The following TECPR2 variants were observed in gnomAD, a reference collection of about 807,000 sequenced individuals.
TECPR2 encodes tectonin beta-propeller repeat containing 2, also known as tectonin beta-propeller repeat-containing protein 2.
TECPR2 carries 65 observed loss-of-function variants against 138.1 expected under a neutral mutation model. The ratio of observed to expected loss-of-function variants is 0.47; its 90% confidence interval spans 0.39 to 0.58. TECPR2 has a LOEUF of 0.58. TECPR2 is among the 20% of genes least tolerant of loss of function. The pLI is 0.00. For missense variants in TECPR2, 1,553 were observed against 1,824.5 expected (o/e 0.85, Z 2.71); for synonymous variants, 746 against 749.8 (o/e 0.99, Z 0.08).
At chr14:102,416,969 G>A (rs1054971688) in intron 5 of TECPR2, among the ~76,000 whole-genome samples, 6 of 152,136 alleles carry the variant, frequency 3.9e-5, no homozygotes, top group African/African-American at 1.4e-4. Context: ...GGGTGACAGA[G>A]CGAGACTTCA....
intron 1 of TECPR2, among the ~76,000 whole-genome samples, chr14:102,369,862 G>A (rs909714997): frequency 3.9e-5 from 6 of 151,910 alleles, no homozygotes; most frequent in Non-Finnish European, 5.9e-5. Context: ...GGAGGCTGAG[G>A]CAGAATGGCA....
rs371389787 is a variant in TECPR2 at position 102,465,192 on chromosome 14, G to C, written c.3692G>C (p.Cys1231Ser). ...TGTGGAAATCAGCACATCTGGGCCT[G>C]TGATTCCAGGGGTGGAGTTTACTTC... The part of the protein sequence containing the change: ...LACGNQHIWA[C>S]DSRGGVYFRV... Residue 1231 changes from cysteine (C) to serine (S), a missense_variant, in exon 17 of 20, where the codon TGT (cysteine) becomes TCT (serine). Cys to Ser is a moderately radical substitution (Grantham distance 112, BLOSUM62 -1). Coordinates refer to ENST00000359520, the MANE Select transcript of TECPR2 (RefSeq NM_014844.5). The C allele has an allele frequency of 7.4e-6, 12 of 1,614,136 alleles. 1 individual carries two copies. In the African/African-American group the frequency reaches 9.3e-5, roughly 13 times the overall value.
chr14:102,410,331 C>T (rs1384333041), intron 4 of TECPR2, among the ~76,000 whole-genome samples: 1 of 140,180 alleles, frequency 7.1e-6, no homozygotes, highest in Non-Finnish European at 1.6e-5. Context: ...TGCGGAAGGC[C>T]GCAGGGTCCT....
chr14:102,496,921 T>C, intron 17 of TECPR2, 58 bp from the exon 18 acceptor site: 4 of 1,594,476 alleles, frequency 2.5e-6, no homozygotes, highest in Non-Finnish European at 3.4e-6. Flanking sequence ...GGAAGTCTCC[T>C]GTCCTTTCTC....
At chr14:102,496,758 C>A in intron 17 of TECPR2, 1 of 630,276 alleles carries the variant, frequency 1.6e-6, no homozygotes, top group Non-Finnish European at 2.7e-6. Context: ...CTGGTATCTG[C>A]TGGGCTGTCC....
At chr14:102,489,430 A>G (rs1479572813) in intron 17 of TECPR2, among the ~76,000 whole-genome samples, 2 of 151,628 alleles carry the variant, frequency 1.3e-5, no homozygotes, top group Non-Finnish European at 2.9e-5. Flanking sequence ...CAGCCTGGCC[A>G]AAATGGTGAA....
intron 8 of TECPR2, 33 bp downstream of exon 8, chr14:102,432,161 G>T (rs1383457631): frequency 1.4e-6 from 2 of 1,467,572 alleles, no homozygotes; most frequent in Non-Finnish European, 1.8e-6. Flanking sequence ...ACCCATCTGG[G>T]GTTACAGTCT....
intron 1 of TECPR2, among the ~76,000 whole-genome samples, chr14:102,370,349 G>A (rs745509247): frequency 1.6e-4 from 25 of 152,216 alleles, no homozygotes; most frequent in East Asian, 7.7e-4. Flanking sequence ...GGGATTACAC[G>A]CGTGAACCAC....
At chr14:102,428,713 G>A (rs1396450125) in intron 7 of TECPR2, among the ~76,000 whole-genome samples, 1 of 152,188 alleles carries the variant, frequency 6.6e-6, no homozygotes, top group Middle Eastern at 3.2e-3. Context: ...TGTAAGCTAA[G>A]ATTGCACCAC....
chr14:102,473,258 TCA>T (rs1262928285), intron 17 of TECPR2, among the ~76,000 whole-genome samples: 12 of 152,238 alleles, frequency 7.9e-5, no homozygotes, highest in African/African-American at 2.9e-4. Flanking sequence ...CTTAGTGGCC[TCA>T]CACGTCGTAT....
chr14:102,427,672 T>C (rs763925401), intron 6 of TECPR2, among the ~76,000 whole-genome samples: 11 of 152,098 alleles, frequency 7.2e-5, no homozygotes, highest in Admixed American at 1.3e-4. Flanking sequence ...TCAAAACCCA[T>C]GAGTTGCAGT....
intron 2 of TECPR2, among the ~76,000 whole-genome samples, chr14:102,393,567 A>G (rs1888235955): frequency 6.6e-6 from 1 of 151,920 alleles, no homozygotes; most frequent in South Asian, 2.1e-4. Context: ...TTATTTATTT[A>G]TTTATTTTTG....
intron 17 of TECPR2, among the ~76,000 whole-genome samples, chr14:102,491,864 GT>G (rs1891167627): frequency 1.3e-5 from 2 of 152,338 alleles, no homozygotes; most frequent in African/African-American, 2.4e-5. Flanking sequence ...AGAAACAAGT[GT>G]TTTGTTTGCA....
intron 16 of TECPR2, among the ~76,000 whole-genome samples, chr14:102,453,170 C>T (rs971315383): frequency 6.6e-6 from 1 of 152,076 alleles, no homozygotes; most frequent in Non-Finnish European, 1.5e-5. Context: ...GTGGAGTAGG[C>T]TAAGAAATGT....
chr14:102,419,698 G>A lies in TECPR2; in HGVS notation c.638+4905G>A, dbSNP rs952136254. Among the ~76,000 whole-genome samples the A allele has an allele frequency of 6.6e-6, 1 of 152,294 alleles. No individual in the cohort carries two copies. The highest frequency in any genetic ancestry group is 2.1e-4 in the South Asian group (1 of 4,826). ...CGTGAACCTCTTCAGACCGGATGATGTGTGTTACATCCAGAAAACCTCAGA... is the reference window on the plus strand; with the variant it reads ...CGTGAACCTCTTCAGACCGGATGATATGTGTTACATCCAGAAAACCTCAGA... On this transcript the variant is annotated intron_variant, in intron 5 of 19. Coordinates refer to ENST00000359520, the MANE Select transcript of TECPR2 (RefSeq NM_014844.5). The surrounding 1 kb of genome is among the most constrained non-coding windows in gnomAD (Gnocchi z 4.8).
intron 16 of TECPR2, among the ~76,000 whole-genome samples, chr14:102,454,326 G>A (rs1176087783): frequency 1.3e-5 from 2 of 152,166 alleles, no homozygotes; most frequent in South Asian, 2.1e-4. Flanking sequence ...CAGCCCCGGG[G>A]GCTCCTACAG....
At chr14:102,436,647 G>T (rs1414603153) in intron 9 of TECPR2, among the ~76,000 whole-genome samples, 1 of 152,136 alleles carries the variant, frequency 6.6e-6, no homozygotes, top group Non-Finnish European at 1.5e-5. Flanking sequence ...CAGTCATCCG[G>T]CATTTATCTT....
At chr14:102,421,670 G>A (rs1331973780) in intron 5 of TECPR2, among the ~76,000 whole-genome samples, 1 of 152,174 alleles carries the variant, frequency 6.6e-6, no homozygotes, top group Non-Finnish European at 1.5e-5. Context: ...CTGTAGCCTC[G>A]TTCAGGACAA....
rs1888809890 is a variant in TECPR2 at position 102,410,491 on chromosome 14, AAAAATAAAAAAAT to A, written c.480+1877_480+1889del. Reference sequence around the variant, plus strand: ...AAATTAAAAAAAAAAATAAAAAATAAAAAATAAAAAAATAAAAACACACCTCACCAAGCTCAGC... The same window carrying A: ...AAATTAAAAAAAAAAATAAAAAATAAAAAAACACACCTCACCAAGCTCAGC... On this transcript the variant is annotated intron_variant, in intron 4 of 19. Coordinates refer to ENST00000359520, the MANE Select transcript of TECPR2 (RefSeq NM_014844.5). 8.9e-5 allele frequency among the ~76,000 whole-genome samples: 13 copies of A among 146,026 alleles called. No individual in the cohort carries two copies. In the South Asian group the frequency reaches 1.5e-3, roughly 17 times the overall value.
Sources: allele counts gnomAD v4.1 joint callset (sites outside exome capture counted in the v4.1 genomes callset), GRCh38; gene constraint gnomAD v4.1.1; non-coding constraint Gnocchi (gnomAD v3.1); transcripts MANE v1.5; gene names NCBI Gene and HGNC (gene_info 2026-07-23, HGNC 2026-07-21).